Variants in PRTG observed in about 807,000 individuals in gnomAD.
The protein encoded by PRTG is protogenin.
In PRTG, 67 loss-of-function variants were observed where a neutral mutation model predicts 122.5. That is an observed-to-expected ratio of 0.55 (90% CI 0.45 to 0.67). PRTG has a LOEUF of 0.67. Among genes scored for constraint, PRTG ranks in the 30% least tolerant of loss-of-function variants. The probability of loss-of-function intolerance (pLI) is 0.00; values close to 1 mark genes in which losing one functional copy is unlikely to be tolerated. For synonymous variants in PRTG, 554 were observed against 501.1 expected (o/e 1.11, Z -1.41); for missense variants, 1,435 against 1,415.4 (o/e 1.01, Z -0.22).
At chr15:55,715,963 C>G (rs1449335929) in intron 2 of PRTG, among the ~76,000 whole-genome samples, 1 of 152,216 alleles carries the variant, frequency 6.6e-6, no homozygotes, top group Non-Finnish European at 1.5e-5. Context: ...ACGCCCAACA[C>G]TTGTCTACAT....
chr15:55,638,536 C>A lies in PRTG; in HGVS notation c.2452+13G>T, dbSNP rs1368232490. 8 of 1,584,902 alleles carry A rather than the reference C, an allele frequency of 5.0e-6. No individual in the cohort carries two copies. Among genetic ancestry groups the A allele is most frequent in the Non-Finnish European group, 6.9e-6 (8 of 1,166,684 alleles). The stretch of plus-strand genomic sequence containing the variant: ...TTTTAAAGATAAAATCTATAGGGAG[C>A]TGTTTTCTTTACCTTCTGGAAGAGT... On this transcript the variant is annotated intron_variant, in intron 14 of 19. Coordinates refer to ENST00000389286, the MANE Select transcript of PRTG (RefSeq NM_173814.6).
chr15:55,729,298 T>C (rs1370742107), intron 2 of PRTG, among the ~76,000 whole-genome samples: 4 of 152,180 alleles, frequency 2.6e-5, no homozygotes, highest in African/African-American at 9.7e-5. Context: ...TTCATTGATA[T>C]GACATACCAC....
chr15:55,639,498 T>A, intron 13 of PRTG, 144 bp downstream of exon 13: 1 of 626,022 alleles, frequency 1.6e-6, no homozygotes, highest in African/African-American at 1.8e-5. Context: ...GCAAAACTCC[T>A]AGCCACTTCA....
intron 11 of PRTG, among the ~76,000 whole-genome samples, chr15:55,659,856 T>C (rs1036431228): frequency 5.9e-5 from 9 of 151,640 alleles, no homozygotes; most frequent in African/African-American, 1.9e-4. Flanking sequence ...AAAATGGAGG[T>C]TGCAGTGAGC....
At chr15:55,692,825 A>G (rs1039242283) in intron 2 of PRTG, among the ~76,000 whole-genome samples, 27 of 147,658 alleles carry the variant, frequency 1.8e-4, no homozygotes, top group African/African-American at 6.4e-4. Context: ...TTCCAATTTT[A>G]ATGCAATCTC....
rs1595594669 is a variant in PRTG at position 55,615,562 on chromosome 15, T to C, written c.*4450A>G. 6.6e-6 allele frequency: 1 copy of C among 152,118 alleles called. No individual in the cohort carries two copies. Among genetic ancestry groups the C allele is most frequent in the Non-Finnish European group, 1.5e-5 (1 of 67,998 alleles). The allele number at this position is 152,118 out of a possible 1,614,324, so 9.4% of individuals were successfully genotyped here. A position where few individuals can be genotyped will look rare whatever the true frequency, so the allele number is the denominator to read the frequency against. ...TCACAATTAGACAACTGGTTGTATA[T>C]GGTAGTCTCCAGAACCTGCTACTCA... On this transcript the variant is annotated 3_prime_UTR_variant, in exon 20 of 20. Transcript: ENST00000389286.
chr15:55,718,424 T>C (rs1370638450), intron 2 of PRTG, among the ~76,000 whole-genome samples: 1 of 151,802 alleles, frequency 6.6e-6, no homozygotes, highest in Non-Finnish European at 1.5e-5. Context: ...CGTTGCTGAG[T>C]CTTTCTAACC....
At chr15:55,721,523 G>A (rs546045972) in intron 2 of PRTG, among the ~76,000 whole-genome samples, 4 of 152,144 alleles carry the variant, frequency 2.6e-5, no homozygotes, top group Non-Finnish European at 4.4e-5. Context: ...CATACGTACC[G>A]TGTTGTTTCT....
chr15:55,657,112 G>A (rs2059384722), intron 11 of PRTG, among the ~76,000 whole-genome samples: 1 of 152,150 alleles, frequency 6.6e-6, no homozygotes, highest in Non-Finnish European at 1.5e-5. Context: ...ACACAATTGA[G>A]CCCTCTTGGG....
At position 55,694,191 on chromosome 15, in the gene PRTG, T is replaced by C. The variant is rs151187623; in HGVS notation, c.398-10260A>G. On this transcript the variant is annotated intron_variant, in intron 2 of 19. Coordinates refer to ENST00000389286, the MANE Select transcript of PRTG (RefSeq NM_173814.6). ...TCAGATCTCCAGTGGCAGGATTATGTATGGTGATTTTTATTTTATTTTTTA... is the reference window on the plus strand; with the variant it reads ...TCAGATCTCCAGTGGCAGGATTATGCATGGTGATTTTTATTTTATTTTTTA... Among the ~76,000 whole-genome samples the C allele has an allele frequency of 5.3e-3, 802 of 152,310 alleles. 8 individuals are homozygous for C. The highest frequency in any genetic ancestry group is 0.018 in the African/African-American group (763 of 41,576).
chr15:55,687,005 C>T (rs1373313304), intron 2 of PRTG, among the ~76,000 whole-genome samples: 2 of 152,206 alleles, frequency 1.3e-5, no homozygotes, highest in African/African-American at 4.8e-5. Flanking sequence ...AAGTCTTCCT[C>T]CGCTTCTACA....
At chr15:55,709,185 C>T (rs2030277356) in intron 2 of PRTG, among the ~76,000 whole-genome samples, 1 of 127,734 alleles carries the variant, frequency 7.8e-6, no homozygotes, top group Non-Finnish European at 1.6e-5. Flanking sequence ...GAATTACAGA[C>T]GTTTTTAAAG....
At chr15:55,701,294 T>C (rs113984847) in intron 2 of PRTG, among the ~76,000 whole-genome samples, 4,389 of 152,242 alleles carry the variant, frequency 0.029, 231 homozygotes, top group African/African-American at 0.099. Context: ...CCCAGCACTT[T>C]GGGAGGCCGA....
At chr15:55,653,453 G>A (rs2059364090) in intron 11 of PRTG, among the ~76,000 whole-genome samples, 1 of 149,824 alleles carries the variant, frequency 6.7e-6, no homozygotes, top group Non-Finnish European at 1.5e-5. Flanking sequence ...ATATTCTATT[G>A]ATCATCTCTA....
At chr15:55,714,105 A>G (rs2141858349) in intron 2 of PRTG, among the ~76,000 whole-genome samples, 1 of 152,206 alleles carries the variant, frequency 6.6e-6, no homozygotes, top group Non-Finnish European at 1.5e-5. Flanking sequence ...TATTTTACCT[A>G]TCATTGCTAT....
At chr15:55,670,186 A>G (rs1206583068) in intron 11 of PRTG, among the ~76,000 whole-genome samples, 1 of 152,050 alleles carries the variant, frequency 6.6e-6, no homozygotes, top group Non-Finnish European at 1.5e-5. Context: ...AAAATTTTGA[A>G]GAATTGCTTT....
At chr15:55,686,922 C>T (rs1164296980) in intron 2 of PRTG, among the ~76,000 whole-genome samples, 2 of 152,162 alleles carry the variant, frequency 1.3e-5, no homozygotes, top group African/African-American at 4.8e-5. Flanking sequence ...GTTTCCGACC[C>T]TTTTCTCTGC....
chr15:55,659,583 A>C (rs562288849), intron 11 of PRTG, among the ~76,000 whole-genome samples: 1 of 152,136 alleles, frequency 6.6e-6, no homozygotes, highest in Non-Finnish European at 1.5e-5. Flanking sequence ...TGATTTTATT[A>C]ATGTCTATTT....
intron 11 of PRTG, among the ~76,000 whole-genome samples, chr15:55,670,449 C>T (rs2059462946): frequency 6.6e-6 from 1 of 152,152 alleles, no homozygotes; most frequent in African/African-American, 2.4e-5. Flanking sequence ...AAAATTTTCT[C>T]GAATCAATAA....
Sources: gnomAD v4.1 joint callset for allele counts (sites outside exome capture counted in the v4.1 genomes callset) on GRCh38, gnomAD v4.1.1 for gene constraint, MANE v1.5 for transcripts, NCBI Gene and HGNC (gene_info 2026-07-23, HGNC 2026-07-21) for gene names.